GSK3B: variants seen among roughly 807,000 people sequenced by gnomAD.
GSK3B encodes the protein glycogen synthase kinase-3 beta.
A neutral mutation model predicts 56.4 loss-of-function variants in GSK3B; 15 were observed. That is an observed-to-expected ratio of 0.27 (90% CI 0.18 to 0.41). GSK3B has a LOEUF of 0.41. Among genes scored for constraint, GSK3B ranks in the 10% least tolerant of loss-of-function variants. The pLI, the probability that GSK3B is intolerant of heterozygous loss-of-function variation, is 1.00. For synonymous variants in GSK3B, 181 were observed against 188.9 expected (o/e 0.96, Z 0.34); for missense variants, 300 against 513.4 (o/e 0.58, Z 4.02).
chr3:119,982,563 C>T (rs2057473803), intron 2 of GSK3B, among the ~76,000 whole-genome samples: 1 of 152,122 alleles, frequency 6.6e-6, no homozygotes, highest in African/African-American at 2.4e-5. Context: ...AACGTCATGA[C>T]ATATGCACAA....
intron 1 of GSK3B, among the ~76,000 whole-genome samples, chr3:120,003,989 T>G (rs115876455): frequency 6.6e-6 from 1 of 152,338 alleles, no homozygotes; most frequent in African/African-American, 2.4e-5. Context: ...TTCCCTTTCC[T>G]ACCCAAGGGA....
At chr3:119,970,613 T>TAAAAAAAAAAA (rs1170925404) in intron 2 of GSK3B, among the ~76,000 whole-genome samples, 1 of 114,290 alleles carries the variant, frequency 8.7e-6, no homozygotes. Flanking sequence ...CTACTAAAAT[T>TAAAAAAAAAAA]AAAAAAAAAA....
chr3:119,954,307 A>AGAATAGAATAGAAT lies in GSK3B; in HGVS notation c.283-6957_283-6956insATTCTATTCTATTC, dbSNP rs1559851422. On this transcript the variant is annotated intron_variant, in intron 2 of 10. Coordinates refer to ENST00000264235, the MANE Select transcript of GSK3B (RefSeq NM_001146156.2). ...TAGAATAGAATAGAATAGAATAGAA[A>AGAATAGAATAGAAT]AGAAACAGAACAGAACAGAACAGCA... is the stretch of plus-strand genomic sequence containing the variant. 2.5e-4 allele frequency among the ~76,000 whole-genome samples: 31 copies of AGAATAGAATAGAAT among 121,750 alleles called. 1 individual carries two copies. The highest frequency in any genetic ancestry group is 2.3e-3 in the South Asian group (10 of 4,286). 79.9% of individuals were successfully genotyped at this position (121,750 alleles called of 152,430 possible). A position where few individuals can be genotyped will look rare whatever the true frequency, so the allele number is the denominator to read the frequency against.
chr3:120,085,334 T>A (rs1411579112), intron 1 of GSK3B, among the ~76,000 whole-genome samples: 1 of 152,168 alleles, frequency 6.6e-6, no homozygotes, highest in Admixed American at 6.5e-5. Flanking sequence ...ATTTAAGTAA[T>A]GTATAGAATG....
rs187535868 is a variant in GSK3B, at chr3:120,082,829, G to A, written c.88+10518C>T. Among the ~76,000 whole-genome samples the A allele has an allele frequency of 1.3e-4, 19 of 151,992 alleles. No individual in the cohort carries two copies. In the East Asian group the frequency reaches 2.5e-3, roughly 20 times the overall value. On this transcript the variant is annotated intron_variant, in intron 1 of 10. Transcript: ENST00000264235. ...ATATATTATTAGTTTAGATACACTAGGTTAAATAAAATATATTACTAGAAT... is the reference window on the plus strand; with the variant it reads ...ATATATTATTAGTTTAGATACACTAAGTTAAATAAAATATATTACTAGAAT...
intron 1 of GSK3B, among the ~76,000 whole-genome samples, chr3:120,077,794 T>C (rs1308187217): frequency 6.6e-6 from 1 of 152,150 alleles, no homozygotes; most frequent in African/African-American, 2.4e-5. Context: ...TTTAAATTAA[T>C]TGCTTACTAT....
chr3:119,870,098 T>C (rs1340746099), intron 8 of GSK3B, among the ~76,000 whole-genome samples: 1 of 152,198 alleles, frequency 6.6e-6, no homozygotes, highest in Non-Finnish European at 1.5e-5. Context: ...TTTCTACACC[T>C]AGGCAAATCT....
At chr3:120,032,392 T>C (rs1046777631) in intron 1 of GSK3B, among the ~76,000 whole-genome samples, 1 of 151,902 alleles carries the variant, frequency 6.6e-6, no homozygotes, top group Non-Finnish European at 1.5e-5. Context: ...GGAGAATCGC[T>C]TGAACCCAGG....
At chr3:119,827,148 T>TA (rs376953045) in intron 10 of GSK3B, among the ~76,000 whole-genome samples, 220 of 152,284 alleles carry the variant, frequency 1.4e-3, no homozygotes, top group Middle Eastern at 3.4e-3. Flanking sequence ...GGATCAGCTG[T>TA]ATATGAACAC....
Position 119,822,648 on chromosome 3 carries a change from T to C in GSK3B, c.*4140A>G, listed in dbSNP as rs1225056368. ...TCAGTCTGGGACTCTACTGTGCTTC[T>C]AGTTGTCTCTTTTATTTTCAGTGGC... On this transcript the variant is annotated 3_prime_UTR_variant, in exon 11 of 11. Transcript: ENST00000264235. 4.4e-6 allele frequency: 1 copy of C among 228,668 alleles called. No homozygotes were observed. Among genetic ancestry groups the C allele is most frequent in the African/African-American group, 2.2e-5 (1 of 45,018 alleles). 14.2% of individuals were successfully genotyped at this position (228,668 alleles called of 1,614,324 possible). A position where few individuals can be genotyped will look rare whatever the true frequency, so the allele number is the denominator to read the frequency against.
At chr3:119,970,057 T>C (rs1332068535) in intron 2 of GSK3B, among the ~76,000 whole-genome samples, 1 of 152,242 alleles carries the variant, frequency 6.6e-6, no homozygotes, top group Non-Finnish European at 1.5e-5. Context: ...GTGTTACTTA[T>C]CATAATGGTG....
At chr3:120,033,224 G>A (rs370597133) in intron 1 of GSK3B, among the ~76,000 whole-genome samples, 6 of 152,214 alleles carry the variant, frequency 3.9e-5, no homozygotes, top group African/African-American at 9.6e-5. Flanking sequence ...TGGAAATCCC[G>A]TATTTGATTT....
intron 7 of GSK3B, among the ~76,000 whole-genome samples, chr3:119,900,219 A>C (rs1236102097): frequency 2.0e-5 from 3 of 152,076 alleles, no homozygotes; most frequent in Non-Finnish European, 4.4e-5. Context: ...CCAAATTCTA[A>C]AGGCCAGTTA....
At position 120,053,690 on chromosome 3, in the gene GSK3B, G is replaced by A. The variant is rs1300929567; in HGVS notation, c.88+39657C>T. ...GAATTGTAGCTGCCAAAATTCCTACGTGTTGTGGGAGGGACCCACATTGTA... is the reference window on the plus strand; with the variant it reads ...GAATTGTAGCTGCCAAAATTCCTACATGTTGTGGGAGGGACCCACATTGTA... On this transcript the variant is annotated intron_variant, in intron 1 of 10. Transcript: ENST00000264235. Among the ~76,000 whole-genome samples, 6 of 152,176 alleles carry A rather than the reference G, an allele frequency of 3.9e-5. No homozygotes were observed. The East Asian group carries it at 5.8e-4, about 15-fold the overall frequency.
Position 119,822,610 on chromosome 3 carries a change from TCA to T in GSK3B, c.*4176_*4177del, listed in dbSNP as rs1301414962. ...CCCCAGGGATTACTTTCAAAGCCTC[TCA>T]AAGGTAGATCTCAGTCTGGGACTCT... is the stretch of plus-strand genomic sequence containing the variant. On this transcript the variant is annotated 3_prime_UTR_variant, in exon 11 of 11. Transcript: ENST00000264235. The T allele has an allele frequency of 8.7e-6, 2 of 229,026 alleles. No individual in the cohort carries two copies. Among genetic ancestry groups the T allele is most frequent in the Non-Finnish European group, 1.7e-5 (2 of 115,462 alleles). The allele number at this position is 229,026 out of a possible 1,614,324, so 14.2% of individuals were successfully genotyped here. A position where few individuals can be genotyped will look rare whatever the true frequency, so the allele number is the denominator to read the frequency against.
chr3:120,025,985 C>T (rs996550414), intron 1 of GSK3B, among the ~76,000 whole-genome samples: 17 of 152,096 alleles, frequency 1.1e-4, no homozygotes, highest in African/African-American at 2.9e-4. Flanking sequence ...GTATGATGGA[C>T]GGTAGCCAGA....
rs902219431 is a variant in GSK3B at position 119,822,952 on chromosome 3, C to A, written c.*3836G>T. 20 of 229,304 alleles carry A rather than the reference C, an allele frequency of 8.7e-5. No individual in the cohort carries two copies. Among genetic ancestry groups the A allele is most frequent in the African/African-American group, 4.2e-4 (19 of 45,234 alleles). The allele number at this position is 229,304 out of a possible 1,614,324, so 14.2% of individuals were successfully genotyped here. A position where few individuals can be genotyped will look rare whatever the true frequency, so the allele number is the denominator to read the frequency against. On this transcript the variant is annotated 3_prime_UTR_variant, in exon 11 of 11. Transcript: ENST00000264235. Reference sequence around the variant, plus strand: ...CATATCCACAGGGATAGAGAATACTCCTCTCAGAAACCTTTGCATTGGTGC... The same window carrying A: ...CATATCCACAGGGATAGAGAATACTACTCTCAGAAACCTTTGCATTGGTGC...
intron 3 of GSK3B, among the ~76,000 whole-genome samples, chr3:119,940,992 A>G (rs1559845963): frequency 6.6e-6 from 1 of 151,712 alleles, no homozygotes; most frequent in South Asian, 2.1e-4. Flanking sequence ...CACTACTTCT[A>G]GTACTGCAAC....
chr3:119,924,877 C>T (rs2056875912), intron 3 of GSK3B, among the ~76,000 whole-genome samples: 1 of 152,188 alleles, frequency 6.6e-6, no homozygotes, highest in African/African-American at 2.4e-5. Flanking sequence ...AGATAGCCCA[C>T]AAAGCCAAAA....
Sources: gnomAD v4.1 joint callset for allele counts (sites outside exome capture counted in the v4.1 genomes callset) on GRCh38, gnomAD v4.1.1 for gene constraint, MANE v1.5 for transcripts, NCBI Gene and HGNC (gene_info 2026-07-23, HGNC 2026-07-21) for gene names.